FLNB: variants seen among roughly 807,000 people sequenced by gnomAD.
FLNB encodes filamin B.
FLNB carries 111 observed loss-of-function variants against 250.6 expected under a neutral mutation model. The observed-to-expected ratio is 0.44, with a 90% CI of 0.38 to 0.52. The LOEUF (loss-of-function observed/expected upper bound fraction) is 0.52. FLNB is among the 20% of genes least tolerant of loss of function. The pLI is 0.00. For synonymous variants in FLNB, 1,302 were observed against 1,372.1 expected (o/e 0.95, Z 1.13); for missense variants, 2,869 against 3,447.8 (o/e 0.83, Z 4.20).
intron 1 of FLNB, among the ~76,000 whole-genome samples, chr3:58,015,138 G>A (rs909727615): frequency 1.3e-5 from 2 of 152,204 alleles, no homozygotes; most frequent in Admixed American, 1.3e-4. Context: ...TCCGCACTCT[G>A]CCTGATACCA....
chr3:58,030,989 G>C (rs75111254), intron 1 of FLNB, among the ~76,000 whole-genome samples: 4,509 of 152,232 alleles, frequency 0.03, 218 homozygotes, highest in African/African-American at 0.1. Context: ...ATTTCCATAT[G>C]CTATGATACC....
intron 1 of FLNB, among the ~76,000 whole-genome samples, chr3:58,053,969 G>T (rs1322903131): frequency 6.6e-6 from 1 of 152,148 alleles, no homozygotes; most frequent in Non-Finnish European, 1.5e-5. Flanking sequence ...TTTCACCTGG[G>T]CTGTCCTAGA....
At chr3:58,156,271 G>T (rs2097353240) in intron 41 of FLNB, among the ~76,000 whole-genome samples, 196 bp downstream of exon 41, 1 of 152,206 alleles carries the variant, frequency 6.6e-6, no homozygotes. Flanking sequence ...GACACTTGGG[G>T]CGAGCAAAAA....
chr3:58,133,956 C>T (rs2097312019), intron 26 of FLNB, among the ~76,000 whole-genome samples: 3 of 152,172 alleles, frequency 2.0e-5, no homozygotes, highest in Non-Finnish European at 4.4e-5. Flanking sequence ...TTCCAGTATT[C>T]TCTTTCCATT....
At chr3:58,032,511 CAGA>C (rs1390574292) in intron 1 of FLNB, among the ~76,000 whole-genome samples, 2 of 152,124 alleles carry the variant, frequency 1.3e-5, no homozygotes, top group Admixed American at 6.6e-5. Context: ...TTTGTCTGAG[CAGA>C]AGGAGATATT....
At chr3:58,105,359 C>A in intron 11 of FLNB, 143 bp downstream of exon 11, 1 of 1,008,196 alleles carries the variant, frequency 9.9e-7, no homozygotes, top group South Asian at 1.4e-5. Flanking sequence ...GCCATCTCTG[C>A]GTGCTGCTGT....
intron 1 of FLNB, among the ~76,000 whole-genome samples, chr3:58,019,750 C>CT (rs1222423757): frequency 2.6e-5 from 4 of 152,154 alleles, no homozygotes; most frequent in Admixed American, 2.6e-4. Flanking sequence ...CTGAAATTTC[C>CT]TTCTACAGAA....
chr3:58,090,703 GTA>G (rs2097225438), intron 4 of FLNB, among the ~76,000 whole-genome samples: 1 of 152,118 alleles, frequency 6.6e-6, no homozygotes. Flanking sequence ...AAATTGAGCT[GTA>G]TATAATGAAG....
Position 58,106,696 on chromosome 3 carries a change from C to T in FLNB, c.1764C>T (p.Gly588=). The T allele has an allele frequency of 6.2e-7, 1 of 1,614,144 alleles. No homozygotes were observed. Among genetic ancestry groups the T allele is most frequent in the Non-Finnish European group, 8.5e-7 (1 of 1,180,006 alleles). Residue 588 remains glycine, a synonymous_variant, in exon 12 of 46, where the codon GGC becomes GGT. Transcript: ENST00000295956. ...EVGSLGFAIE[G]PSQAKIEYND... ...ACCCCCTAGGGTTTGCCATTGAAGG[C>T]CCCTCTCAGGCAAAGATTGAGTACA...
chr3:58,043,660 T>C (rs2097149448), intron 1 of FLNB, among the ~76,000 whole-genome samples: 1 of 152,160 alleles, frequency 6.6e-6, no homozygotes, highest in African/African-American at 2.4e-5. Context: ...CTGGCATCTC[T>C]GGACCTTTAT....
At position 58,025,133 on chromosome 3, in the gene FLNB, C is replaced by CTTTTT. The variant is rs57706596; in HGVS notation, c.292+16287_292+16291dup. The stretch of plus-strand genomic sequence containing the variant: ...TTTTTCTTTTCTTCTTTCTTTCTTT[C>CTTTTT]TTTTTTTTTTTTTTGAGATAGGATC... On this transcript the variant is annotated intron_variant, in intron 1 of 45. Coordinates refer to ENST00000295956, the MANE Select transcript of FLNB (RefSeq NM_001457.4). Among the ~76,000 whole-genome samples, 45 of 116,546 alleles carry CTTTTT rather than the reference C, an allele frequency of 3.9e-4. 2 individuals carry two copies. The highest frequency in any genetic ancestry group is 1.2e-3 in the African/African-American group (34 of 29,496). 76.5% of individuals were successfully genotyped at this position (116,546 alleles called of 152,430 possible). A position where few individuals can be genotyped will look rare whatever the true frequency, so the allele number is the denominator to read the frequency against.
chr3:58,031,282 G>A (rs557897156), intron 1 of FLNB, among the ~76,000 whole-genome samples: 6 of 151,884 alleles, frequency 4.0e-5, no homozygotes, highest in Non-Finnish European at 5.9e-5. Flanking sequence ...TCACTCTGTC[G>A]CCCAGGCTGG....
chr3:58,150,733 C>G, intron 38 of FLNB: 1 of 192,716 alleles, frequency 5.2e-6, no homozygotes, highest in Non-Finnish European at 1.1e-5. Flanking sequence ...GTCAACAGGT[C>G]ACACAGTCTG....
Position 58,170,852 on chromosome 3 carries a change from T to C in FLNB, c.*90T>C. ...TTTATACAAAGCCCTCCAGCCTGTT[T>C]GTGGGGCTGAAACCCCATCCCTAAA... On this transcript the variant is annotated 3_prime_UTR_variant, in exon 46 of 46. Coordinates refer to ENST00000295956, the MANE Select transcript of FLNB (RefSeq NM_001457.4). The C allele has an allele frequency of 8.0e-7, 1 of 1,243,250 alleles. No individual in the cohort carries two copies. The highest frequency in any genetic ancestry group is 1.2e-6 in the Non-Finnish European group (1 of 866,312). 77.0% of individuals were successfully genotyped at this position (1,243,250 alleles called of 1,614,324 possible). A position where few individuals can be genotyped will look rare whatever the true frequency, so the allele number is the denominator to read the frequency against.
At chr3:58,137,373 G>A (rs2107230086) in intron 28 of FLNB, among the ~76,000 whole-genome samples, 1 of 152,326 alleles carries the variant, frequency 6.6e-6, no homozygotes, top group South Asian at 2.1e-4. Context: ...GCATGTTAAC[G>A]TTGGATGGGG....
At chr3:58,146,593 G>A in intron 33 of FLNB, 2 of 552,348 alleles carry the variant, frequency 3.6e-6, no homozygotes, top group East Asian at 3.2e-5. Flanking sequence ...GAGCTCCAGG[G>A]TTACTTGCAG....
intron 1 of FLNB, among the ~76,000 whole-genome samples, chr3:58,021,590 C>G (rs2097114140): frequency 6.6e-6 from 1 of 152,168 alleles, no homozygotes; most frequent in African/African-American, 2.4e-5. Context: ...GGGGATGGCT[C>G]TCCCATCAGG....
At chr3:58,113,690 A>G (rs1181386823) in intron 18 of FLNB, among the ~76,000 whole-genome samples, 2 of 152,052 alleles carry the variant, frequency 1.3e-5, no homozygotes, top group South Asian at 4.2e-4. Flanking sequence ...TTATTTATTT[A>G]TTTTTTAGAC....
chr3:58,154,878 A>G lies in FLNB; in HGVS notation c.6722A>G (p.Asp2241Gly). 2 of 1,614,140 alleles carry G rather than the reference A, an allele frequency of 1.2e-6. No homozygotes were observed. The highest frequency in any genetic ancestry group is 1.7e-6 in the Non-Finnish European group (2 of 1,180,010). The change falls in exon 40 of 46, where the codon GAT becomes GGT. Residue 2241 changes from aspartate (D) to glycine (G), a missense_variant. Asp to Gly is a moderately conservative substitution (Grantham distance 94). This residue lies in a region of FLNB where 1,084 missense variants were observed against 1,315.5 expected (regional missense o/e 0.82). Transcript: ENST00000295956. ...EGPSKAEITF[D>G]DHKNGSCGVS... is the part of the protein sequence containing the mutation. ...CCCAGTAAGGCCGAGATTACATTCGATGACCATAAAAATGGGTCGTGCGGT... is the reference window on the plus strand; with the variant it reads ...CCCAGTAAGGCCGAGATTACATTCGGTGACCATAAAAATGGGTCGTGCGGT...
Sources: gnomAD v4.1 joint callset for allele counts (sites outside exome capture counted in the v4.1 genomes callset) on GRCh38, gnomAD v4.1.1 for gene constraint, gnomAD v4.1.1 regional missense constraint, MANE v1.5 for transcripts, NCBI Gene and HGNC (gene_info 2026-07-23, HGNC 2026-07-21) for gene names.